ADCK5: variants seen among roughly 807,000 people sequenced by gnomAD.
ADCK5 encodes aarF domain containing kinase 5, also known as uncharacterized aarF domain-containing protein kinase 5.
Under a neutral mutation model 64.9 loss-of-function variants are expected in ADCK5, and 43 were observed. The observed-to-expected ratio is 0.66, with a 90% CI of 0.52 to 0.85. The LOEUF is 0.85. Ranked by LOEUF, ADCK5 falls within the 40% of genes least tolerant of loss-of-function variation. ADCK5 has a pLI of 0.00. For synonymous variants in ADCK5, 434 were observed against 342.8 expected (o/e 1.27, Z -2.94); for missense variants, 760 against 810.5 (o/e 0.94, Z 0.76).
Position 144,393,163 on chromosome 8 carries a change from G to C in ADCK5, c.*89G>C. Reference sequence around the variant, plus strand: ...GAGGTGTAGACACCCCGAGCCCCGTGGGCACTCGCACTGGGGGGCTGTGAC... The same window carrying C: ...GAGGTGTAGACACCCCGAGCCCCGTCGGCACTCGCACTGGGGGGCTGTGAC... On this transcript the variant is annotated 3_prime_UTR_variant, in exon 15 of 15. Coordinates refer to ENST00000308860, the MANE Select transcript of ADCK5 (RefSeq NM_174922.5). The C allele has an allele frequency of 7.3e-7, 1 of 1,377,310 alleles. No homozygotes were observed. Among genetic ancestry groups the C allele is most frequent in the Non-Finnish European group, 9.7e-7 (1 of 1,036,070 alleles). 85.3% of individuals were successfully genotyped at this position (1,377,310 alleles called of 1,614,324 possible).
At chr8:144,375,255 G>C (rs868975143) in intron 1 of ADCK5, among the ~76,000 whole-genome samples, 2 of 152,222 alleles carry the variant, frequency 1.3e-5, no homozygotes, top group Non-Finnish European at 2.9e-5. Context: ...CTGGGTCCAG[G>C]CGGCGTTTGA....
In ADCK5 at chr8:144,392,306, G is replaced by A. The variant is rs782320085; in HGVS notation, c.1228G>A (p.Ala410Thr). 24 of 1,498,104 alleles carry A rather than the reference G, an allele frequency of 1.6e-5. No individual in the cohort carries two copies. Among genetic ancestry groups the A allele is most frequent in the Non-Finnish European group, 2.1e-5 (24 of 1,126,910 alleles). The allele number at this position is 1,498,104 out of a possible 1,614,324, so 92.8% of individuals were successfully genotyped here. Residue 410 changes from alanine to threonine, a missense_variant, in exon 12 of 15, where the codon GCC (alanine) becomes ACC (threonine). This residue lies in a region of ADCK5 where 333 missense variants were observed against 292.0 expected (regional missense o/e 1.14). Transcript: ENST00000308860. ...GCGGGCCATCATCCTGCGGGACGACGCCGCCATGAGGGCGCACGCAGCCGC... is the reference window on the plus strand; with the variant it reads ...GCGGGCCATCATCCTGCGGGACGACACCGCCATGAGGGCGCACGCAGCCGC... ...LWRAIILRDD[A>T]AMRAHAAALG...
chr8:144,393,121 C>T lies in ADCK5; in HGVS notation c.*47C>T, dbSNP rs782015570. The T allele has an allele frequency of 3.0e-5, 44 of 1,475,450 alleles. No individual in the cohort carries two copies. The highest frequency in any genetic ancestry group is 9.9e-5 in the African/African-American group (7 of 70,946). 91.4% of individuals were successfully genotyped at this position (1,475,450 alleles called of 1,614,324 possible). On this transcript the variant is annotated 3_prime_UTR_variant, in exon 15 of 15. Coordinates refer to ENST00000308860, the MANE Select transcript of ADCK5 (RefSeq NM_174922.5). The stretch of plus-strand genomic sequence containing the variant: ...CGGGGCCCTTTTCACCTTGGGCTGA[C>T]GGAGGTGGCGGGGCTAGAGGTGTAG...
At chr8:144,382,518 G>C (rs1247826863) in intron 2 of ADCK5, among the ~76,000 whole-genome samples, 7 of 149,742 alleles carry the variant, frequency 4.7e-5, no homozygotes, top group Non-Finnish European at 8.8e-5. Flanking sequence ...GCTGTATTCA[G>C]CAAGTATTGG....
Position 144,391,690 on chromosome 8 carries a change from G to A in ADCK5, c.909G>A (p.Val303=). 6.5e-7 allele frequency: 1 copy of A among 1,540,756 alleles called. No homozygotes were observed. The highest frequency in any genetic ancestry group is 2.4e-5 in the East Asian group (1 of 41,034). The change falls in exon 8 of 15, where the codon GTG becomes GTA. Residue 303 remains valine, a synonymous_variant. Transcript: ENST00000308860. ...TCCCCTACGTCGTGGTGCCCCGCGT[G>A]CACTGGGACAAGTCCAGCAAGGTGG... is the stretch of plus-strand genomic sequence containing the variant. The part of the protein sequence containing the change: ...AHFPYVVVPR[V]HWDKSSKRVL...
In ADCK5 at chr8:144,392,629, C is replaced by T; in HGVS notation, c.1452C>T (p.Ile484=). The change falls in exon 13 of 15, where the codon ATC becomes ATT. Residue 484 remains isoleucine (I), a synonymous_variant. Transcript: ENST00000308860. ...CCATGCTGCTGGTGCTGCGCAACAT[C>T]AACACCGTGCGCGCTATCAACGTGG... ...PRPMLLVLRN[I]NTVRAINVAL... The T allele has an allele frequency of 1.3e-6, 2 of 1,593,548 alleles. No homozygotes were observed. Among genetic ancestry groups the T allele is most frequent in the South Asian group, 1.1e-5 (1 of 89,010 alleles).
Position 144,376,736 on chromosome 8 carries a change from C to T in ADCK5, c.12+2629C>T, listed in dbSNP as rs1819383065. 6.6e-6 allele frequency among the ~76,000 whole-genome samples: 1 copy of T among 152,012 alleles called. No homozygotes were observed. Among genetic ancestry groups the T allele is most frequent in the African/African-American group, 2.4e-5 (1 of 41,368 alleles). On this transcript the variant is annotated intron_variant, in intron 1 of 14. Transcript: ENST00000308860. The surrounding 1 kb of genome is among the most constrained non-coding windows in gnomAD (Gnocchi z 5.1). ...TGCTGTTCAGAGTCTCTCCACAGTC[C>T]GTGGGCACGACTGCCTGATCTCGGG...
At position 144,379,350 on chromosome 8, in the gene ADCK5, G is replaced by T. The variant is rs782535591; in HGVS notation, c.13-37G>T. The T allele has an allele frequency of 2.6e-6, 4 of 1,513,168 alleles. No individual in the cohort carries two copies. In the African/African-American group the frequency reaches 5.6e-5, roughly 21 times the overall value. The allele number at this position is 1,513,168 out of a possible 1,614,324, so 93.7% of individuals were successfully genotyped here. ...TGGTTGAGGGCAGGGGCGTGTCCTG[G>T]CCTCGTTCGACCCCACACAATTTCC... On this transcript the variant is annotated intron_variant, in intron 1 of 14. Coordinates refer to ENST00000308860, the MANE Select transcript of ADCK5 (RefSeq NM_174922.5).
Position 144,376,345 on chromosome 8 carries a change from C to T in ADCK5, c.12+2238C>T, listed in dbSNP as rs868948750. ...GACAGATTCCGTAAGTTGACAGTCA[C>T]GCTGGTGTGTGATGAGGACAGTGGC... On this transcript the variant is annotated intron_variant, in intron 1 of 14. Coordinates refer to ENST00000308860, the MANE Select transcript of ADCK5 (RefSeq NM_174922.5). The surrounding 1 kb of genome is among the most constrained non-coding windows in gnomAD (Gnocchi z 5.1). Among the ~76,000 whole-genome samples, 17 of 152,294 alleles carry T rather than the reference C, an allele frequency of 1.1e-4. No individual in the cohort carries two copies. In the Middle Eastern group the frequency reaches 0.014, roughly 123 times the overall value.
rs1474108351 is a variant in ADCK5, at chr8:144,392,518, G to C, written c.1341G>C (p.Leu447=). 1 of 1,543,744 alleles carries C rather than the reference G, an allele frequency of 6.5e-7. No individual in the cohort carries two copies. The highest frequency in any genetic ancestry group is 2.4e-5 in the East Asian group (1 of 41,222). Reference sequence around the variant, plus strand: ...GGCAGCTGTGGGGCTCGCACCTACTGAGCCGCGAAGAGGCGGCCTACATGG... The same window carrying C: ...GGCAGCTGTGGGGCTCGCACCTACTCAGCCGCGAAGAGGCGGCCTACATGG... ...RLGQLWGSHL[L]SREEAAYMVD... The change falls in exon 13 of 15, where the codon CTG becomes CTC. Residue 447 remains leucine (L), a synonymous_variant. Coordinates refer to ENST00000308860, the MANE Select transcript of ADCK5 (RefSeq NM_174922.5).
chr8:144,392,920 CG>C, intron 14 of ADCK5, 28 bp downstream of exon 14: 2 of 1,591,136 alleles, frequency 1.3e-6, no homozygotes, highest in Non-Finnish European at 8.5e-7. Flanking sequence ...AGGTGGGTGG[CG>C]GGGGCCTGCT....
chr8:144,388,078 GCT>G (rs1351573985), intron 3 of ADCK5, among the ~76,000 whole-genome samples: 1 of 152,078 alleles, frequency 6.6e-6, no homozygotes, highest in Non-Finnish European at 1.5e-5. Context: ...TGTTGAAAAT[GCT>G]CTGTGAGGCA....
intron 3 of ADCK5, among the ~76,000 whole-genome samples, chr8:144,390,443 T>C (rs1554860133): frequency 6.6e-6 from 1 of 152,226 alleles, no homozygotes; most frequent in African/African-American, 2.4e-5. Context: ...TCTACTGATC[T>C]TGAGCTGAGA....
rs1554857705 is a variant in ADCK5, at chr8:144,379,438, T to A, written c.64T>A (p.Trp22Arg). ...TCTGCTGCACAGCAGGCAGAAGCCC[T>A]GGCCGTCCCCTGCTGTGTTCTTCAG... is the stretch of plus-strand genomic sequence containing the variant. ...SALLHSRQKP[W>R]PSPAVFFRRN... Residue 22 changes from tryptophan to arginine, a missense_variant, in exon 2 of 15, where the codon TGG becomes AGG. Physicochemically the swap from Trp to Arg is moderately radical, Grantham distance 101. Coordinates refer to ENST00000308860, the MANE Select transcript of ADCK5 (RefSeq NM_174922.5). The A allele has an allele frequency of 6.2e-7, 1 of 1,610,828 alleles. No homozygotes were observed. Among genetic ancestry groups the A allele is most frequent in the Admixed American group, 1.7e-5 (1 of 59,776 alleles).
In ADCK5 at chr8:144,390,936, C is replaced by CA. The variant is rs782554498; in HGVS notation, c.423_424insA (p.Gly142ArgfsTer43). The CA allele has an allele frequency of 6.2e-7, 1 of 1,612,914 alleles. No homozygotes were observed. On this transcript the variant is annotated frameshift_variant, in exon 5 of 15. Transcript: ENST00000308860. LOFTEE classifies it high-confidence loss of function. ...CCCTGGTGGCAGGGGCCATCAGCAA[C>CA]GGGGGCCTCTACGTGAAGCTGGGCC...
chr8:144,388,658 T>G (rs1262034098), intron 3 of ADCK5, among the ~76,000 whole-genome samples: 5 of 147,026 alleles, frequency 3.4e-5, no homozygotes, highest in African/African-American at 1.3e-4. Context: ...CCAGCTACTC[T>G]GGAGGCTGAG....
At chr8:144,380,153 G>C (rs1819540224) in intron 2 of ADCK5, among the ~76,000 whole-genome samples, 1 of 152,136 alleles carries the variant, frequency 6.6e-6, no homozygotes, top group Non-Finnish European at 1.5e-5. Flanking sequence ...TGTGCACTCA[G>C]ACACCTGCTG....
rs781897786 is a variant in ADCK5 at position 144,391,259 on chromosome 8, C to T, written c.669C>T (p.Thr223=). 3 of 1,612,452 alleles carry T rather than the reference C, an allele frequency of 1.9e-6. No homozygotes were observed. The East Asian group carries it at 6.7e-5, about 36-fold the overall frequency. The change falls in exon 6 of 15, where the codon ACC becomes ACT. Residue 223 remains threonine (T), a synonymous_variant. Transcript: ENST00000308860. ...ACAGAGCCAAGCTGCACGATGGCAC[C>T]AGCGTGGCTGTGAAGGTATATGGGG... The part of the protein sequence containing the change: ...QVHRAKLHDG[T]SVAVKVQYID...
intron 2 of ADCK5, among the ~76,000 whole-genome samples, chr8:144,379,922 C>T (rs936082568): frequency 3.9e-5 from 6 of 152,182 alleles, no homozygotes; most frequent in South Asian, 2.1e-4. Flanking sequence ...GACCACAGTG[C>T]GCAGATGGAC....
Sources: gnomAD v4.1 joint callset for allele counts (sites outside exome capture counted in the v4.1 genomes callset) on GRCh38, gnomAD v4.1.1 for gene constraint, gnomAD v4.1.1 regional missense constraint, Gnocchi (gnomAD v3.1) non-coding constraint, MANE v1.5 for transcripts, NCBI Gene and HGNC (gene_info 2026-07-23, HGNC 2026-07-21) for gene names.